RBFOX1: variants seen among roughly 807,000 people sequenced by gnomAD.
The protein encoded by RBFOX1 is RNA binding protein fox-1 homolog 1.
In RBFOX1, 8 loss-of-function variants were observed where a neutral mutation model predicts 57.7. That is an observed-to-expected ratio of 0.14 (90% CI 0.08 to 0.25). The LOEUF is 0.25. RBFOX1 is among the 10% of genes least tolerant of loss of function. The probability of loss-of-function intolerance (pLI) is 1.00; values close to 1 mark genes in which losing one functional copy is unlikely to be tolerated. For missense variants in RBFOX1, 611 were observed against 548.5 expected, an observed-to-expected ratio of 1.11 and a Z score of -1.14; for synonymous variants, 326 against 222.4, an observed-to-expected ratio of 1.47 and a Z score of -4.15.
chr16:6,985,844 A>AAAAAAAAC (rs1244376853), intron 3 of RBFOX1, among the ~76,000 whole-genome samples: 50 of 122,388 alleles, frequency 4.1e-4, no homozygotes, highest in African/African-American at 1.2e-3. Context: ...AAAAAAAAAA[A>AAAAAAAAC]AAACAGAATT....
In RBFOX1 at chr16:5,391,066, C is replaced by T. The variant is rs190412748; in HGVS notation, c.220-76150C>T. Among the ~76,000 whole-genome samples the T allele has an allele frequency of 7.0e-4, 106 of 152,330 alleles. 1 individual carries two copies. Among genetic ancestry groups the T allele is most frequent in the African/African-American group, 2.2e-3 (93 of 41,584 alleles). Reference sequence around the variant, plus strand: ...TCTTACTTCCCATCCTCTGAAACTTCACTCCATCTCTAGTGAGACAGCAGG... The same window carrying T: ...TCTTACTTCCCATCCTCTGAAACTTTACTCCATCTCTAGTGAGACAGCAGG... On this transcript the variant is annotated intron_variant, in intron 1 of 2. Coordinates refer to the RBFOX1 transcript ENST00000585867.
chr16:6,500,896 T>TGTTTGTTTG (rs796099960), intron 2 of RBFOX1, among the ~76,000 whole-genome samples: 1 of 142,332 alleles, frequency 7.0e-6, no homozygotes, highest in South Asian at 2.2e-4. Flanking sequence ...TTTTTTTTTT[T>TGTTTGTTTG]TTTTTAATGC....
intron 2 of RBFOX1, among the ~76,000 whole-genome samples, chr16:5,496,468 C>T (rs1007700474): frequency 1.3e-5 from 2 of 152,104 alleles, no homozygotes; most frequent in Non-Finnish European, 2.9e-5. Flanking sequence ...AGGCCTTTTC[C>T]ATCTGCAGTG....
intron 3 of RBFOX1, among the ~76,000 whole-genome samples, chr16:6,799,963 C>A (rs967312088): frequency 6.6e-6 from 1 of 152,126 alleles, no homozygotes; most frequent in African/African-American, 2.4e-5. Flanking sequence ...AGTCAATTCT[C>A]CTTAATAAAC....
At chr16:5,622,878 G>A (rs749213710) in intron 3 of RBFOX1, among the ~76,000 whole-genome samples, 1 of 152,186 alleles carries the variant, frequency 6.6e-6, no homozygotes, top group African/African-American at 2.4e-5. Context: ...TGCAGAGTTT[G>A]TTTTCTTATT....
At chr16:6,655,746 C>T (rs1013003679) in intron 3 of RBFOX1, among the ~76,000 whole-genome samples, 17 of 152,090 alleles carry the variant, frequency 1.1e-4, no homozygotes, top group African/African-American at 3.9e-4. Flanking sequence ...CTACTTTTGA[C>T]ATCGTTCCAC....
chr16:6,228,073 A>C (rs1295942512), intron 1 of RBFOX1, among the ~76,000 whole-genome samples: 1 of 152,082 alleles, frequency 6.6e-6, no homozygotes, highest in Non-Finnish European at 1.5e-5. Flanking sequence ...CCCTTTAGGA[A>C]GCTGAGGTGG....
chr16:6,645,139 C>T (rs75761198), intron 2 of RBFOX1, among the ~76,000 whole-genome samples: 2,144 of 152,280 alleles, frequency 0.014, 63 homozygotes, highest in African/African-American at 0.048. Flanking sequence ...TAATCCCCAC[C>T]TGTCTTCACA....
At chr16:6,707,852 A>G (rs1158577007) in intron 3 of RBFOX1, among the ~76,000 whole-genome samples, 1 of 152,172 alleles carries the variant, frequency 6.6e-6, no homozygotes, top group South Asian at 2.1e-4. Context: ...AAAGCGCCAC[A>G]AAGAAAACAT....
intron 13 of RBFOX1, among the ~76,000 whole-genome samples, chr16:7,673,607 T>G (rs2072309657): frequency 6.6e-6 from 1 of 152,138 alleles, no homozygotes. Flanking sequence ...GGTAACTACC[T>G]CAAAGGACCT....
rs115145696 is a variant in RBFOX1, at chr16:7,005,790, A to G, written c.-15-46267A>G. ...ACCTTGCCTAAATCGCAAGATGACCATTCATCTTCTTTTTCTGGCTCACAT... is the reference window on the plus strand; with the variant it reads ...ACCTTGCCTAAATCGCAAGATGACCGTTCATCTTCTTTTTCTGGCTCACAT... On this transcript the variant is annotated intron_variant, in intron 3 of 15. Coordinates refer to ENST00000550418, the MANE Select transcript of RBFOX1 (RefSeq NM_018723.4). Among the ~76,000 whole-genome samples the G allele has an allele frequency of 5.0e-3, 762 of 152,278 alleles. 9 individuals are homozygous for G. The highest frequency in any genetic ancestry group is 0.017 in the African/African-American group (723 of 41,550).
At chr16:5,282,538 G>A (rs1349706055) in intron 1 of RBFOX1, among the ~76,000 whole-genome samples, 1 of 152,198 alleles carries the variant, frequency 6.6e-6, no homozygotes, top group Non-Finnish European at 1.5e-5. Flanking sequence ...CTAGGCTGAG[G>A]TTGTGTCAGA....
chr16:7,139,785 G>T lies in RBFOX1; in HGVS notation c.27+87687G>T, dbSNP rs2073157948. On this transcript the variant is annotated intron_variant, in intron 4 of 15. Coordinates refer to ENST00000550418, the MANE Select transcript of RBFOX1 (RefSeq NM_018723.4). The stretch of plus-strand genomic sequence containing the variant: ...CTTTTTTTTTTAAGTTCATCGGTGA[G>T]CTTTCAGGGGGCAGTTTTAGTTGCT... 2.0e-5 allele frequency among the ~76,000 whole-genome samples: 3 copies of T among 152,198 alleles called. No individual in the cohort carries two copies. The South Asian group carries it at 6.2e-4, about 32-fold the overall frequency.
At chr16:6,797,740 T>A (rs1178175327) in intron 3 of RBFOX1, among the ~76,000 whole-genome samples, 2 of 152,140 alleles carry the variant, frequency 1.3e-5, no homozygotes, top group Non-Finnish European at 2.9e-5. Flanking sequence ...CCACGTTGGC[T>A]CTTGGGGTCC....
chr16:6,669,993 A>T (rs924274504), intron 3 of RBFOX1, among the ~76,000 whole-genome samples: 25 of 152,000 alleles, frequency 1.6e-4, no homozygotes, highest in Non-Finnish European at 1.5e-5. Context: ...AGTAAGGAAA[A>T]TCTATCTCTG....
At chr16:7,279,090 T>G (rs1474074088) in intron 4 of RBFOX1, among the ~76,000 whole-genome samples, 5 of 131,922 alleles carry the variant, frequency 3.8e-5, no homozygotes. Flanking sequence ...CTGGAGACTC[T>G]TTTTTTTTTT....
At chr16:7,044,301 G>T (rs1006051560) in intron 3 of RBFOX1, among the ~76,000 whole-genome samples, 2 of 152,214 alleles carry the variant, frequency 1.3e-5, no homozygotes, top group African/African-American at 4.8e-5. Context: ...CTCAGTTCTA[G>T]TTCTTGCAGA....
At chr16:7,287,758 G>A (rs1003301026) in intron 4 of RBFOX1, among the ~76,000 whole-genome samples, 3 of 152,104 alleles carry the variant, frequency 2.0e-5, no homozygotes, top group Admixed American at 2.0e-4. Context: ...GATTTAGAAA[G>A]AGATAAATTT....
In RBFOX1 at chr16:5,966,995, G is replaced by GT. The variant is rs572290371; in HGVS notation, c.351+99660_351+99661insT. Among the ~76,000 whole-genome samples, 135 of 139,260 alleles carry GT rather than the reference G, an allele frequency of 9.7e-4. 9 individuals carry two copies. The highest frequency in any genetic ancestry group is 1.5e-3 in the Non-Finnish European group (94 of 63,734). 91.4% of individuals were successfully genotyped at this position (139,260 alleles called of 152,430 possible). A position where few individuals can be genotyped will look rare whatever the true frequency, so the allele number is the denominator to read the frequency against. On this transcript the variant is annotated intron_variant, in intron 4 of 19. Transcript: ENST00000641259. ...ATTGTCTTTCTTGCACTAAATCGGG[G>GT]GGGGGGGGGTCAATAAATGATAGCT... is the stretch of plus-strand genomic sequence containing the variant.
Sources: gnomAD v4.1 joint callset for allele counts (sites outside exome capture counted in the v4.1 genomes callset) on GRCh38, gnomAD v4.1.1 for gene constraint, MANE v1.5 for transcripts, NCBI Gene and HGNC (gene_info 2026-07-23, HGNC 2026-07-21) for gene names.